The following CSMD1 variants were observed in gnomAD, a reference collection of about 807,000 sequenced individuals.
CSMD1 encodes CUB and Sushi multiple domains 1.
Under a neutral mutation model 417.5 loss-of-function variants are expected in CSMD1, and 213 were observed. That is an observed-to-expected ratio of 0.51 (90% CI 0.46 to 0.57). The LOEUF (loss-of-function observed/expected upper bound fraction) is 0.57, where lower values mean the gene tolerates loss of function less well. Ranked by LOEUF, CSMD1 falls within the 20% of genes least tolerant of loss-of-function variation. CSMD1 has a pLI of 0.00. For synonymous variants in CSMD1, 2,862 were observed against 1,736.8 expected (o/e 1.65, Z -16.11); for missense variants, 6,923 against 4,529.7 (o/e 1.53, Z -15.17).
intron 1 of CSMD1, among the ~76,000 whole-genome samples, chr8:4,681,690 A>T (rs1053388240): frequency 3.3e-5 from 5 of 152,212 alleles, no homozygotes; most frequent in African/African-American, 1.2e-4. Flanking sequence ...CCTCATACAA[A>T]ATAACCCGAC....
chr8:4,480,903 A>G (rs1801063226), intron 2 of CSMD1, among the ~76,000 whole-genome samples: 1 of 152,150 alleles, frequency 6.6e-6, no homozygotes, highest in Non-Finnish European at 1.5e-5. Flanking sequence ...GTACATCCCT[A>G]GTTGTTGAGT....
At position 3,674,341 on chromosome 8, in the gene CSMD1, A is replaced by G. The variant is rs544719515; in HGVS notation, c.1009+34073T>C. Among the ~76,000 whole-genome samples the G allele has an allele frequency of 1.6e-4, 24 of 152,252 alleles. No homozygotes were observed. In the East Asian group the frequency reaches 4.1e-3, roughly 26 times the overall value. Reference sequence around the variant, plus strand: ...AACTTACCATGTAAAATATCCTATAATCTGAAGATTAACAAATTATCATCA... The same window carrying G: ...AACTTACCATGTAAAATATCCTATAGTCTGAAGATTAACAAATTATCATCA... On this transcript the variant is annotated intron_variant, in intron 7 of 69. Coordinates refer to ENST00000635120, the MANE Select transcript of CSMD1 (RefSeq NM_033225.6).
chr8:4,363,549 C>T (rs954530705), intron 3 of CSMD1, among the ~76,000 whole-genome samples: 1 of 152,166 alleles, frequency 6.6e-6, no homozygotes, highest in Non-Finnish European at 1.5e-5. Flanking sequence ...TCCCTCCCTA[C>T]TACAGATTGT....
intron 3 of CSMD1, among the ~76,000 whole-genome samples, chr8:4,233,638 C>G (rs555532092): frequency 4.6e-5 from 7 of 152,250 alleles, no homozygotes; most frequent in Admixed American, 1.3e-4. Context: ...TGCCCAGATG[C>G]TCCAGATCTG....
chr8:4,171,189 C>G (rs931572515), intron 3 of CSMD1, among the ~76,000 whole-genome samples: 1 of 151,850 alleles, frequency 6.6e-6, no homozygotes, highest in Non-Finnish European at 1.5e-5. Flanking sequence ...ATATCCATCA[C>G]CATCACAGAC....
intron 26 of CSMD1, among the ~76,000 whole-genome samples, chr8:3,235,492 C>G (rs2116934554): frequency 6.6e-6 from 1 of 152,270 alleles, no homozygotes; most frequent in South Asian, 2.1e-4. Flanking sequence ...TTGGCAAATA[C>G]TGCACACCCC....
intron 5 of CSMD1, among the ~76,000 whole-genome samples, chr8:3,854,716 G>C (rs1360102489): frequency 1.3e-5 from 2 of 150,344 alleles, no homozygotes; most frequent in African/African-American, 2.5e-5. Context: ...AGACAGCGGG[G>C]GAAATGAGTA....
chr8:3,672,507 G>C (rs1009039633), intron 7 of CSMD1, among the ~76,000 whole-genome samples: 4 of 152,162 alleles, frequency 2.6e-5, no homozygotes, highest in Admixed American at 1.3e-4. Context: ...TAAATATTTA[G>C]ATTATATAAA....
intron 5 of CSMD1, among the ~76,000 whole-genome samples, chr8:3,798,949 C>T (rs1323490709): frequency 1.3e-5 from 2 of 151,852 alleles, no homozygotes; most frequent in Non-Finnish European, 2.9e-5. Flanking sequence ...TATAAAAACT[C>T]TTTAGTAGAT....
intron 3 of CSMD1, among the ~76,000 whole-genome samples, chr8:4,269,428 G>A (rs1804431616): frequency 6.6e-6 from 1 of 152,098 alleles, no homozygotes; most frequent in South Asian, 2.1e-4. Flanking sequence ...TTGATATTGA[G>A]AATTTTCTCT....
intron 3 of CSMD1, among the ~76,000 whole-genome samples, chr8:4,223,807 C>T (rs1228950452): frequency 6.6e-6 from 1 of 152,168 alleles, no homozygotes; most frequent in East Asian, 1.9e-4. Flanking sequence ...TGGCCAATAA[C>T]AACCAGTGAA....
intron 3 of CSMD1, among the ~76,000 whole-genome samples, chr8:4,269,003 T>C (rs939342702): frequency 2.0e-5 from 3 of 152,216 alleles, no homozygotes; most frequent in Admixed American, 2.0e-4. Context: ...AATTTCCTGA[T>C]TGCAAAGTAA....
At chr8:4,966,828 T>C (rs893243803) in intron 1 of CSMD1, among the ~76,000 whole-genome samples, 3 of 152,194 alleles carry the variant, frequency 2.0e-5, no homozygotes, top group Non-Finnish European at 4.4e-5. Context: ...GCTGTCAACA[T>C]GCCCTTCAAA....
intron 3 of CSMD1, among the ~76,000 whole-genome samples, chr8:4,084,878 C>T (rs1320866447): frequency 1.3e-5 from 2 of 151,870 alleles, no homozygotes; most frequent in Non-Finnish European, 2.9e-5. Flanking sequence ...AATGCAAATA[C>T]ATACATTCAG....
At chr8:4,615,491 C>T (rs1801423167) in intron 2 of CSMD1, among the ~76,000 whole-genome samples, 1 of 152,088 alleles carries the variant, frequency 6.6e-6, no homozygotes, top group Non-Finnish European at 1.5e-5. Context: ...TAATTGCTTA[C>T]AAATGTCCAA....
intron 8 of CSMD1, among the ~76,000 whole-genome samples, chr8:3,614,168 T>C (rs1802026027): frequency 6.6e-6 from 1 of 152,134 alleles, no homozygotes; most frequent in Non-Finnish European, 1.5e-5. Flanking sequence ...TTCCCAGGTG[T>C]TATGGCATTT....
intron 1 of CSMD1, among the ~76,000 whole-genome samples, chr8:4,898,626 A>T (rs1327502083): frequency 6.6e-6 from 1 of 152,076 alleles, no homozygotes; most frequent in African/African-American, 2.4e-5. Context: ...CTGGAATGAA[A>T]TTTTTTTTAT....
At chr8:3,473,148 C>G (rs565550686) in intron 11 of CSMD1, among the ~76,000 whole-genome samples, 3 of 152,310 alleles carry the variant, frequency 2.0e-5, no homozygotes, top group East Asian at 3.9e-4. Flanking sequence ...AGACATACCT[C>G]TCAGTCGATA....
chr8:3,862,711 A>G (rs376748877), intron 5 of CSMD1, among the ~76,000 whole-genome samples: 2 of 152,198 alleles, frequency 1.3e-5, no homozygotes, highest in Non-Finnish European at 1.5e-5. Context: ...ATGATCTCCA[A>G]AACAACTGAG....
Sources: allele counts gnomAD v4.1 joint callset (sites outside exome capture counted in the v4.1 genomes callset), GRCh38; gene constraint gnomAD v4.1.1; transcripts MANE v1.5; gene names NCBI Gene and HGNC (gene_info 2026-07-23, HGNC 2026-07-21).